Variants in SPAG16 observed in about 807,000 individuals in gnomAD.
SPAG16 encodes sperm associated antigen 16.
In SPAG16, 86 loss-of-function variants were observed where a neutral mutation model predicts 80.4. That is an observed-to-expected ratio of 1.07 (90% CI 0.90 to 1.28). The LOEUF is 1.28. SPAG16 is among the 50% of genes most tolerant of loss of function. The probability of loss-of-function intolerance (pLI) is 0.00; values close to 1 mark genes in which losing one functional copy is unlikely to be tolerated. For synonymous variants in SPAG16, 294 were observed against 265.9 expected, an observed-to-expected ratio of 1.11 and a Z score of -1.03; for missense variants, 870 against 765.3, an observed-to-expected ratio of 1.14 and a Z score of -1.61.
rs147916227 is a variant in SPAG16, at chr2:214,094,127, C to T, written c.1528-14069C>T. 5.9e-5 allele frequency among the ~76,000 whole-genome samples: 9 copies of T among 152,152 alleles called. No homozygotes were observed. The East Asian group carries it at 1.7e-3, about 29-fold the overall frequency. On this transcript the variant is annotated intron_variant, in intron 13 of 15. Coordinates refer to ENST00000331683, the MANE Select transcript of SPAG16 (RefSeq NM_024532.5). The stretch of plus-strand genomic sequence containing the variant: ...GCACAACTCTTCCCAAATCAGAGTT[C>T]AGTGACATTGAGTTGGTAGCTTGAA...
At chr2:213,492,490 C>A (rs1383564842) in intron 10 of SPAG16, among the ~76,000 whole-genome samples, 1 of 151,920 alleles carries the variant, frequency 6.6e-6, no homozygotes, top group African/African-American at 2.4e-5. Flanking sequence ...GTGGAGCTTG[C>A]AGTGAGCCAA....
rs148550560 is a variant in SPAG16, at chr2:214,208,124, T to C, written c.1720+58858T>C. On this transcript the variant is annotated intron_variant, in intron 15 of 15. Coordinates refer to ENST00000331683, the MANE Select transcript of SPAG16 (RefSeq NM_024532.5). ...AATAACTCTCTTTCATATATACATA[T>C]ACTCTATTCATTCTGTCCTTCTGGA... is the stretch of plus-strand genomic sequence containing the variant. Among the ~76,000 whole-genome samples the C allele has an allele frequency of 4.4e-3, 675 of 152,326 alleles. 3 individuals are homozygous for C. Among genetic ancestry groups the C allele is most frequent in the Middle Eastern group, 0.024 (7 of 294 alleles).
chr2:213,442,898 AATTTT>A (rs756347910), intron 9 of SPAG16, among the ~76,000 whole-genome samples: 2 of 152,154 alleles, frequency 1.3e-5, no homozygotes, highest in Non-Finnish European at 2.9e-5. Context: ...ATCGATAATT[AATTTT>A]AATTGATTAA....
chr2:214,396,314 T>C lies in SPAG16; in HGVS notation c.1721-13826T>C, dbSNP rs1470281338. On this transcript the variant is annotated intron_variant, in intron 15 of 15. Coordinates refer to ENST00000331683, the MANE Select transcript of SPAG16 (RefSeq NM_024532.5). ...TTAATGATTATATTTAGTATCTTCA[T>C]TTATCACTCACTATTTTGCTCTGCA... Among the ~76,000 whole-genome samples the C allele has an allele frequency of 2.6e-5, 4 of 152,168 alleles. No individual in the cohort carries two copies. The East Asian group carries it at 7.7e-4, about 29-fold the overall frequency.
chr2:214,151,742 T>C (rs1486834346), intron 15 of SPAG16, among the ~76,000 whole-genome samples: 1 of 151,614 alleles, frequency 6.6e-6, no homozygotes, highest in Admixed American at 6.6e-5. Flanking sequence ...AGCGTGTTAT[T>C]TGTCACAACT....
chr2:213,905,222 T>A (rs2106142392), intron 11 of SPAG16, among the ~76,000 whole-genome samples: 1 of 152,338 alleles, frequency 6.6e-6, no homozygotes, highest in Non-Finnish European at 1.5e-5. Flanking sequence ...ATTCATTAAA[T>A]TCATTTATGT....
chr2:213,790,326 C>G (rs1453177317), intron 10 of SPAG16, among the ~76,000 whole-genome samples: 1 of 151,820 alleles, frequency 6.6e-6, no homozygotes, highest in Non-Finnish European at 1.5e-5. Context: ...TCTCAACTCT[C>G]AACACTTATT....
At chr2:213,337,540 A>G (rs113586302) in intron 5 of SPAG16, among the ~76,000 whole-genome samples, 3,637 of 152,338 alleles carry the variant, frequency 0.024, 64 homozygotes, top group African/African-American at 0.039. Context: ...TTACCTGATC[A>G]AGCTGAGAAA....
intron 15 of SPAG16, among the ~76,000 whole-genome samples, chr2:214,290,314 A>C (rs981989409): frequency 6.6e-6 from 1 of 151,878 alleles, no homozygotes; most frequent in East Asian, 1.9e-4. Context: ...CTTCACAGCA[A>C]TATTGGCCTG....
intron 10 of SPAG16, among the ~76,000 whole-genome samples, chr2:213,724,016 T>G (rs531937515): frequency 5.9e-5 from 9 of 152,350 alleles, no homozygotes; most frequent in Admixed American, 1.3e-4. Context: ...ACAGGCACAT[T>G]GCTTTAACTT....
rs189262742 is a variant in SPAG16, at chr2:213,812,140, A to T, written c.1071-50345A>T. The stretch of plus-strand genomic sequence containing the variant: ...GATAAGTGAACTCTGGTCTTACAGA[A>T]AACTGTTAGGACAAAGTAGAATCAC... On this transcript the variant is annotated intron_variant, in intron 10 of 15. Transcript: ENST00000331683. Among the ~76,000 whole-genome samples, 335 of 152,294 alleles carry T rather than the reference A, an allele frequency of 2.2e-3. 1 individual carries two copies. Among genetic ancestry groups the T allele is most frequent in the African/African-American group, 7.8e-3 (323 of 41,568 alleles).
intron 10 of SPAG16, among the ~76,000 whole-genome samples, chr2:213,637,557 A>C (rs1183621096): frequency 2.6e-5 from 4 of 152,118 alleles, no homozygotes; most frequent in Non-Finnish European, 4.4e-5. Flanking sequence ...TCAGTTGTGC[A>C]TTCATCTGGT....
chr2:214,282,510 C>A (rs529967570), intron 15 of SPAG16, among the ~76,000 whole-genome samples: 2 of 152,208 alleles, frequency 1.3e-5, no homozygotes, highest in Admixed American at 6.5e-5. Flanking sequence ...ACAGAGGAAG[C>A]TTTATCTGGG....
intron 15 of SPAG16, among the ~76,000 whole-genome samples, chr2:214,200,590 T>C (rs2057981752): frequency 6.6e-6 from 1 of 152,068 alleles, no homozygotes; most frequent in South Asian, 2.1e-4. Flanking sequence ...AGAGGATTGC[T>C]TGAGCCCAGG....
At chr2:213,488,881 A>C (rs1198919244) in intron 9 of SPAG16, among the ~76,000 whole-genome samples, 4 of 151,858 alleles carry the variant, frequency 2.6e-5, no homozygotes, top group Non-Finnish European at 2.9e-5. Context: ...GTTTGAGACC[A>C]GCCTGGCCAA....
chr2:213,654,216 C>T (rs894238589), intron 10 of SPAG16, among the ~76,000 whole-genome samples: 1 of 152,078 alleles, frequency 6.6e-6, no homozygotes, highest in Non-Finnish European at 1.5e-5. Context: ...TTATTGAGAA[C>T]ACAACTGAAA....
At chr2:214,377,991 G>A (rs1700231544) in intron 15 of SPAG16, among the ~76,000 whole-genome samples, 1 of 152,162 alleles carries the variant, frequency 6.6e-6, no homozygotes, top group Non-Finnish European at 1.5e-5. Flanking sequence ...CAAATGTCCT[G>A]GAAAGAGGGA....
intron 3 of SPAG16, among the ~76,000 whole-genome samples, chr2:213,307,451 C>T (rs1246655104): frequency 2.4e-4 from 34 of 140,090 alleles, no homozygotes; most frequent in African/African-American, 4.3e-4. Flanking sequence ...TGAGAATATG[C>T]GGTGTTTGGT....
At chr2:213,641,828 G>T (rs1433327218) in intron 10 of SPAG16, among the ~76,000 whole-genome samples, 1 of 152,146 alleles carries the variant, frequency 6.6e-6, no homozygotes, top group African/African-American at 2.4e-5. Flanking sequence ...GTTCCACATG[G>T]CTGGGGAGGC....
Sources: allele counts gnomAD v4.1 joint callset (sites outside exome capture counted in the v4.1 genomes callset), GRCh38; gene constraint gnomAD v4.1.1; transcripts MANE v1.5; gene names NCBI Gene and HGNC (gene_info 2026-07-23, HGNC 2026-07-21).